NR2F1-AS1: variants seen among roughly 807,000 people sequenced by gnomAD.
The protein encoded by NR2F1-AS1 is NR2F1 regulatory antisense RNA 1, also known as NR2F1 antisense RNA 1.
At chr5:93,447,399 G>T (rs980250081) in intron 4 of NR2F1-AS1, among the ~76,000 whole-genome samples, 4 of 152,072 alleles carry the variant, frequency 2.6e-5, no homozygotes, top group Admixed American at 1.3e-4. Context: ...GCAAAAGATA[G>T]GAACAGACAC....
chr5:93,418,356 AGG>A lies in NR2F1-AS1; in HGVS notation n.639-22816_639-22815del, dbSNP rs1433158910. The stretch of plus-strand genomic sequence containing the variant: ...GTAATCCCAGCACTTTGGGAGGCCA[AGG>A]TGGGCAGATCACAAGGTCAGGAGAT... On this transcript the variant is annotated intron_variant and non_coding_transcript_variant, in intron 4 of 5. Transcript: ENST00000660523. Among the ~76,000 whole-genome samples the A allele has an allele frequency of 2.6e-5, 4 of 152,154 alleles. No homozygotes were observed. The East Asian group carries it at 5.8e-4, about 22-fold the overall frequency.
chr5:93,495,579 G>A (rs1209776042), intron 4 of NR2F1-AS1, among the ~76,000 whole-genome samples: 2 of 151,968 alleles, frequency 1.3e-5, no homozygotes, highest in East Asian at 1.9e-4. Context: ...ACCGTGTAAT[G>A]GAGATAAGTT....
intron 4 of NR2F1-AS1, among the ~76,000 whole-genome samples, chr5:93,453,748 C>A (rs1236377138): frequency 6.6e-6 from 1 of 151,922 alleles, no homozygotes; most frequent in Non-Finnish European, 1.5e-5. Flanking sequence ...ACGTTCTATA[C>A]AGGAAAAAAT....
chr5:93,436,859 G>T (rs1312802563), intron 4 of NR2F1-AS1, among the ~76,000 whole-genome samples: 1 of 151,868 alleles, frequency 6.6e-6, no homozygotes, highest in Non-Finnish European at 1.5e-5. Context: ...GGTCCACTTA[G>T]TGAAATCCTG....
chr5:93,471,752 A>T (rs1750370440), intron 4 of NR2F1-AS1, among the ~76,000 whole-genome samples: 1 of 151,896 alleles, frequency 6.6e-6, no homozygotes, highest in Admixed American at 6.6e-5. Context: ...TGTTGGTCAT[A>T]AGTTGATGAC....
rs1408226725 is a variant in NR2F1-AS1 at position 93,440,622 on chromosome 5, G to C, written n.639-45080C>G. Among the ~76,000 whole-genome samples, 3 of 152,058 alleles carry C rather than the reference G, an allele frequency of 2.0e-5. No homozygotes were observed. The East Asian group carries it at 5.8e-4, about 29-fold the overall frequency. On this transcript the variant is annotated intron_variant and non_coding_transcript_variant, in intron 4 of 5. Coordinates refer to ENST00000660523, the Ensembl canonical transcript of NR2F1-AS1. ...TGGGTTTCTCAGACTCCACAATCAA[G>C]TAAGCCAGTTTTTTATAGTAAATCT...
chr5:93,467,567 G>A (rs538755826), intron 4 of NR2F1-AS1, among the ~76,000 whole-genome samples: 6 of 152,264 alleles, frequency 3.9e-5, no homozygotes, highest in Non-Finnish European at 7.4e-5. Context: ...TATCTGTTTC[G>A]TGTTCTACTA....
At chr5:93,557,375 T>C (rs1752381435) in intron 2 of NR2F1-AS1, among the ~76,000 whole-genome samples, 1 of 152,212 alleles carries the variant, frequency 6.6e-6, no homozygotes, top group Non-Finnish European at 1.5e-5. Context: ...CACTCACTAG[T>C]TACAGGCATA....
intron 4 of NR2F1-AS1, among the ~76,000 whole-genome samples, chr5:93,499,799 C>T (rs1194936768): frequency 6.6e-6 from 1 of 152,158 alleles, no homozygotes; most frequent in South Asian, 2.1e-4. Context: ...AAGTGCTACT[C>T]CTGTGAACAC....
intron 1 of NR2F1-AS1, among the ~76,000 whole-genome samples, chr5:93,573,869 A>G (rs1752834358): frequency 6.6e-6 from 1 of 152,192 alleles, no homozygotes; most frequent in Admixed American, 6.5e-5. Flanking sequence ...TACAAGCACC[A>G]CAGACCTTTT....
chr5:93,491,161 TGTGGTTATGGTAGTG>T (rs1750838945), intron 4 of NR2F1-AS1, among the ~76,000 whole-genome samples: 1 of 147,430 alleles, frequency 6.8e-6, no homozygotes, highest in South Asian at 2.2e-4. Context: ...TTATGGTGGT[TGTGGTTATGGTAGTG>T]GTGGTGGTGG....
chr5:93,475,529 G>A (rs907207456), intron 4 of NR2F1-AS1, among the ~76,000 whole-genome samples: 5 of 152,156 alleles, frequency 3.3e-5, no homozygotes, highest in African/African-American at 9.7e-5. Context: ...GCACACCCTA[G>A]AAGGGAACAC....
At chr5:93,451,696 C>A (rs1000568937) in intron 4 of NR2F1-AS1, among the ~76,000 whole-genome samples, 2 of 152,198 alleles carry the variant, frequency 1.3e-5, no homozygotes, top group Non-Finnish European at 2.9e-5. Context: ...AACAACTGCA[C>A]CTGGCCTGAC....
chr5:93,422,395 T>C (rs997915240), intron 4 of NR2F1-AS1: 9 of 152,264 alleles, frequency 5.9e-5, no homozygotes, highest in African/African-American at 2.2e-4. Flanking sequence ...GGGAGAGTTT[T>C]CAAGTCAGTG....
chr5:93,584,158 A>T (rs1753179537), upstream of NR2F1-AS1: 1 of 149,130 alleles, frequency 6.7e-6, no homozygotes, highest in East Asian at 2.0e-4. Context: ...TCCCGCCGGG[A>T]CAGCGGCGGC....
At chr5:93,526,748 CAT>C (rs1751626521) in intron 4 of NR2F1-AS1, among the ~76,000 whole-genome samples, 1 of 152,184 alleles carries the variant, frequency 6.6e-6, no homozygotes. Flanking sequence ...ACAAAAACCA[CAT>C]GATTATCTCA....
In NR2F1-AS1 at chr5:93,495,110, T is replaced by C. The variant is rs570441093; in HGVS notation, n.638+58651A>G. On this transcript the variant is annotated intron_variant and non_coding_transcript_variant, in intron 4 of 5. Coordinates refer to ENST00000660523, the Ensembl canonical transcript of NR2F1-AS1. ...TATATAAATAACTACTTATACAATTTGGTGTGGTTTTCTTTGATTCTTTCA... is the reference window on the plus strand; with the variant it reads ...TATATAAATAACTACTTATACAATTCGGTGTGGTTTTCTTTGATTCTTTCA... Among the ~76,000 whole-genome samples, 8 of 152,326 alleles carry C rather than the reference T, an allele frequency of 5.3e-5. No individual in the cohort carries two copies. The East Asian group carries it at 1.3e-3, about 26-fold the overall frequency.
At chr5:93,435,080 T>C (rs1244096235) in intron 4 of NR2F1-AS1, among the ~76,000 whole-genome samples, 2 of 152,210 alleles carry the variant, frequency 1.3e-5, no homozygotes, top group African/African-American at 2.4e-5. Context: ...TAAGATCTTG[T>C]AAATATGCTG....
chr5:93,484,094 C>T (rs1374825560), intron 4 of NR2F1-AS1, among the ~76,000 whole-genome samples: 1 of 152,118 alleles, frequency 6.6e-6, no homozygotes, highest in African/African-American at 2.4e-5. Flanking sequence ...TCAGGAAATA[C>T]ACAGAACATC....
Sources: gnomAD v4.1 joint callset for allele counts (sites outside exome capture counted in the v4.1 genomes callset) on GRCh38, gnomAD v4.1.1 for gene constraint, MANE v1.5 for transcripts, NCBI Gene and HGNC (gene_info 2026-07-23, HGNC 2026-07-21) for gene names.